The following CASR variants were observed in gnomAD, a reference collection of about 807,000 sequenced individuals.
CASR encodes extracellular calcium-sensing receptor.
A neutral mutation model predicts 69.1 loss-of-function variants in CASR; 23 were observed. The ratio of observed to expected loss-of-function variants is 0.33; its 90% CI spans 0.24 to 0.47. CASR has a LOEUF of 0.47. Among genes scored for constraint, CASR ranks in the 20% least tolerant of loss-of-function variants. The pLI is 1.00. For synonymous variants in CASR, 541 were observed against 544.7 expected (o/e 0.99, Z 0.10); for missense variants, 924 against 1,356.1 (o/e 0.68, Z 5.00).
chr3:122,196,010 G>A (rs6802749), intron 1 of CASR, among the ~76,000 whole-genome samples: 26,594 of 152,064 alleles, frequency 0.17, 2,407 homozygotes, highest in African/African-American at 0.21. Flanking sequence ...TATGTTCAAA[G>A]ATTTTACCCT....
chr3:122,201,145 C>G (rs979724542), intron 1 of CASR, among the ~76,000 whole-genome samples: 1 of 152,058 alleles, frequency 6.6e-6, no homozygotes, highest in African/African-American at 2.4e-5. Context: ...GAGGACCCTG[C>G]GGCCTTCCGC....
chr3:122,256,513 C>G (rs971711467), intron 2 of CASR, among the ~76,000 whole-genome samples: 6 of 152,094 alleles, frequency 3.9e-5, no homozygotes, highest in African/African-American at 1.4e-4. Context: ...CATTATTGCT[C>G]TCTGTCTCTG....
At chr3:122,205,442 GT>G (rs1272241541) in intron 1 of CASR, among the ~76,000 whole-genome samples, 6 of 151,950 alleles carry the variant, frequency 3.9e-5, no homozygotes, top group East Asian at 1.9e-4. Context: ...CTACATGTCT[GT>G]TTTTTTATGC....
At chr3:122,207,723 G>A (rs967620852) in intron 1 of CASR, among the ~76,000 whole-genome samples, 1 of 152,090 alleles carries the variant, frequency 6.6e-6, no homozygotes, top group East Asian at 1.9e-4. Context: ...CAAAAAAGTA[G>A]AAAGACTTCA....
intron 1 of CASR, among the ~76,000 whole-genome samples, chr3:122,196,564 G>A (rs571021372): frequency 6.6e-6 from 1 of 151,810 alleles, no homozygotes. Flanking sequence ...TTGAGGCAAG[G>A]TCTCGCTCTG....
rs2074980937 is a variant in CASR, at chr3:122,287,601, T to A, written c.*2410T>A. 2.0e-5 allele frequency: 3 copies of A among 152,256 alleles called. No individual in the cohort carries two copies. The highest frequency in any genetic ancestry group is 6.5e-5 in the Admixed American group (1 of 15,288). 9.4% of individuals were successfully genotyped at this position (152,256 alleles called of 1,614,324 possible). A position where few individuals can be genotyped will look rare whatever the true frequency, so the allele number is the denominator to read the frequency against. ...CTCCCTTCCAGGAGGGCTTTTGTAA[T>A]GTTGGGGTGGGCCTCCTCAGTCATC... On this transcript the variant is annotated 3_prime_UTR_variant, in exon 7 of 7. Transcript: ENST00000639785.
intron 4 of CASR, among the ~76,000 whole-genome samples, chr3:122,265,973 G>A (rs1034319338): frequency 1.3e-5 from 2 of 152,148 alleles, no homozygotes; most frequent in Non-Finnish European, 1.5e-5. Context: ...CATGGCTGGC[G>A]TTAGAGAAGG....
chr3:122,256,826 G>T (rs902822187), intron 2 of CASR, among the ~76,000 whole-genome samples: 3 of 152,076 alleles, frequency 2.0e-5, no homozygotes, highest in Admixed American at 6.5e-5. Context: ...CCATGTTTTT[G>T]GCCAGGCTGG....
rs199761731 is a variant in CASR at position 122,283,779 on chromosome 3, A to G, written c.1825A>G (p.Thr609Ala). Residue 609 changes from threonine (T) to alanine (A), a missense_variant, in exon 7 of 7, where the codon ACG (threonine) becomes GCG (alanine). This residue lies in a region of CASR where 184 missense variants were observed against 278.8 expected (regional missense o/e 0.66). Transcript: ENST00000639785. The stretch of plus-strand genomic sequence containing the variant: ...CAAGGAGATCGAGTTTCTGTCGTGG[A>G]CGGAGCCCTTTGGGATCGCACTCAC... ...IAKEIEFLSW[T>A]EPFGIALTLF... 16 of 1,614,144 alleles carry G rather than the reference A, an allele frequency of 9.9e-6. No individual in the cohort carries two copies. The highest frequency in any genetic ancestry group is 1.3e-5 in the Non-Finnish European group (15 of 1,180,012).
In CASR at chr3:122,283,649, C is replaced by T; in HGVS notation, c.1733-38C>T. The T allele has an allele frequency of 2.6e-6, 4 of 1,566,928 alleles. No individual in the cohort carries two copies. In the South Asian group the frequency reaches 4.4e-5, roughly 17 times the overall value. On this transcript the variant is annotated intron_variant, in intron 6 of 6. Coordinates refer to ENST00000639785, the MANE Select transcript of CASR (RefSeq NM_000388.4). ...GTACACTCACACATTTTAGTCTGTG[C>T]CACACAATAACTCACTCTTCACTGG...
intron 1 of CASR, among the ~76,000 whole-genome samples, chr3:122,230,340 TCTC>T (rs370770403): frequency 2.9e-4 from 44 of 152,208 alleles, no homozygotes; most frequent in African/African-American, 8.9e-4. Context: ...CAAAACAACC[TCTC>T]CTCCTTGCTG....
intron 1 of CASR, among the ~76,000 whole-genome samples, chr3:122,186,971 G>A (rs1414162778): frequency 6.6e-6 from 1 of 152,176 alleles, no homozygotes; most frequent in African/African-American, 2.4e-5. Context: ...TCTTCAGTTG[G>A]TCATGGTTTG....
Position 122,201,658 on chromosome 3 carries a change from G to T in CASR, c.-243+17846G>T, listed in dbSNP as rs373528568. 7.2e-5 allele frequency among the ~76,000 whole-genome samples: 6 copies of T among 83,560 alleles called. No individual in the cohort carries two copies. The East Asian group carries it at 1.3e-3, about 19-fold the overall frequency. The allele number at this position is 83,560 out of a possible 152,430, so 54.8% of individuals were successfully genotyped here. ...CCCCCACCTCCCTCCCGGACGGGGC[G>T]GCTGGCCAGGCGGGGGCTGACCCCC... On this transcript the variant is annotated intron_variant, in intron 1 of 6. Coordinates refer to ENST00000639785, the MANE Select transcript of CASR (RefSeq NM_000388.4).
At position 122,261,782 on chromosome 3, in the gene CASR, G is replaced by A. The variant is rs746903867; in HGVS notation, c.747G>A (p.Glu249=). ...AACTCATCTCCCAGTACTCTGATGA[G>A]GAAGAGATCCAGCATGTGGTAGAGG... ...FSELISQYSD[E]EEIQHVVEVI... Residue 249 remains glutamate, a synonymous_variant, in exon 4 of 7, where the codon GAG becomes GAA. Coordinates refer to ENST00000639785, the MANE Select transcript of CASR (RefSeq NM_000388.4). The A allele has an allele frequency of 6.2e-7, 1 of 1,614,260 alleles. No individual in the cohort carries two copies. The highest frequency in any genetic ancestry group is 2.2e-5 in the East Asian group (1 of 44,890).
intron 4 of CASR, among the ~76,000 whole-genome samples, chr3:122,270,898 T>C (rs1182117140): frequency 6.6e-6 from 1 of 152,204 alleles, no homozygotes; most frequent in Non-Finnish European, 1.5e-5. Flanking sequence ...TATTGAAACT[T>C]GCTTTATAAT....
chr3:122,253,407 A>G (rs1282938265), intron 1 of CASR, among the ~76,000 whole-genome samples: 2 of 152,092 alleles, frequency 1.3e-5, no homozygotes, highest in African/African-American at 2.4e-5. Context: ...ACATCCAGCT[A>G]ATTTTGTATT....
chr3:122,284,916 G>A lies in CASR; in HGVS notation c.2962G>A (p.Ala988Thr), dbSNP rs549208559. 1.2e-6 allele frequency: 2 copies of A among 1,614,162 alleles called. No individual in the cohort carries two copies. The highest frequency in any genetic ancestry group is 3.3e-5 in the Admixed American group (2 of 60,026). The change falls in exon 7 of 7, where the codon GCC (alanine) becomes ACC (threonine). Residue 988 changes from alanine (A) to threonine (T), a missense_variant. By Grantham distance (58) the Ala-to-Thr change is moderately conservative. This residue lies in a region of CASR where 201 missense variants were observed against 228.8 expected (regional missense o/e 0.88). Transcript: ENST00000639785. ...TGATGAGCCTCAGAAGAACGCCATG[G>A]CCCACAGGAATTCTACGCACCAGAA... ...SFDEPQKNAM[A>T]HRNSTHQNSL... is the part of the protein sequence containing the mutation.
At position 122,204,765 on chromosome 3, in the gene CASR, G is replaced by A. The variant is rs373289260; in HGVS notation, c.-243+20953G>A. On this transcript the variant is annotated intron_variant, in intron 1 of 6. Transcript: ENST00000639785. Reference sequence around the variant, plus strand: ...ATTGCCTGTCTTTTTTATAAAAACCGATTTAACTGGGCTAAGATAATATCA... The same window carrying A: ...ATTGCCTGTCTTTTTTATAAAAACCAATTTAACTGGGCTAAGATAATATCA... 4.6e-5 allele frequency among the ~76,000 whole-genome samples: 7 copies of A among 151,916 alleles called. No individual in the cohort carries two copies. The East Asian group carries it at 5.8e-4, about 13-fold the overall frequency.
chr3:122,283,464 C>T (rs1052988978), intron 6 of CASR, among the ~76,000 whole-genome samples: 1 of 152,116 alleles, frequency 6.6e-6, no homozygotes, highest in South Asian at 2.1e-4. Flanking sequence ...GGAAAACAAA[C>T]TAACAATAGA....
Sources: gnomAD v4.1 joint callset for allele counts (sites outside exome capture counted in the v4.1 genomes callset) on GRCh38, gnomAD v4.1.1 for gene constraint, gnomAD v4.1.1 regional missense constraint, MANE v1.5 for transcripts, NCBI Gene and HGNC (gene_info 2026-07-23, HGNC 2026-07-21) for gene names.